The following LGSN variants were observed in gnomAD, a reference collection of about 807,000 sequenced individuals.
The protein encoded by LGSN is lengsin.
In LGSN, 21 loss-of-function variants were observed where a neutral mutation model predicts 19.5. The observed-to-expected ratio is 1.07, with a 90% CI of 0.76 to 1.55. The LOEUF (loss-of-function observed/expected upper bound fraction) is 1.55. Among genes scored for constraint, LGSN ranks in the 40% most tolerant of loss-of-function variants. LGSN has a pLI of 0.00. For missense variants in LGSN, 673 were observed against 608.5 expected, an observed-to-expected ratio of 1.11 and a Z score of -1.12; for synonymous variants, 257 against 215.6, an observed-to-expected ratio of 1.19 and a Z score of -1.68.
At position 63,285,607 on chromosome 6, in the gene LGSN, T is replaced by C. The variant is rs773744179; in HGVS notation, c.310A>G (p.Ile104Val). Residue 104 changes from isoleucine (I) to valine (V), a missense_variant, in exon 3 of 4, where the codon ATC becomes GTC. Coordinates refer to ENST00000370657, the MANE Select transcript of LGSN (RefSeq NM_016571.3). ...DLHGVSRSKTIPAHFFQEKVS... is the reference protein window; with the variant it reads ...DLHGVSRSKTVPAHFFQEKVS... ...CTCACTTGAAAAAAGTGTGCAGGGA[T>C]AGTCTTAGACCTGGACACGCCGTGG... 4.3e-6 allele frequency: 7 copies of C among 1,613,596 alleles called. No homozygotes were observed. In the African/African-American group the frequency reaches 8.0e-5, roughly 18 times the overall value.
At chr6:63,511,476 G>A in the LGSN span, among the ~76,000 whole-genome samples, 62 of 151,598 alleles carry the variant, frequency 4.1e-4, no homozygotes, top group African/African-American at 1.4e-3. Flanking sequence ...GGCTGGTCTT[G>A]AACTCCTGAC....
At chr6:63,534,093 T>A in the LGSN span, among the ~76,000 whole-genome samples, 1 of 152,164 alleles carries the variant, frequency 6.6e-6, no homozygotes, top group Non-Finnish European at 1.5e-5. Flanking sequence ...TCTGCCCACC[T>A]TGACCTATCA....
At chr6:63,570,541 C>T in the LGSN span, among the ~76,000 whole-genome samples, 1 of 152,214 alleles carries the variant, frequency 6.6e-6, no homozygotes, top group Admixed American at 6.5e-5. Flanking sequence ...GTGGTAATTA[C>T]AGGATCTGTG....
At chr6:63,518,412 A>G in the LGSN span, among the ~76,000 whole-genome samples, 1 of 152,202 alleles carries the variant, frequency 6.6e-6, no homozygotes, top group Non-Finnish European at 1.5e-5. Context: ...ATTAACTAAA[A>G]AATTATCATT....
chr6:63,327,005 C>T, the LGSN span, among the ~76,000 whole-genome samples: 1 of 152,248 alleles, frequency 6.6e-6, no homozygotes, highest in Non-Finnish European at 1.5e-5. Context: ...TGCCAGCACG[C>T]TGTCACCTCT....
chr6:63,368,484 G>C, the LGSN span, among the ~76,000 whole-genome samples: 1 of 152,096 alleles, frequency 6.6e-6, no homozygotes, highest in African/African-American at 2.4e-5. Flanking sequence ...CTCTCCTCTA[G>C]ACTCCTTCTC....
the LGSN span, among the ~76,000 whole-genome samples, chr6:63,363,194 A>G: frequency 6.6e-6 from 1 of 152,230 alleles, no homozygotes; most frequent in Non-Finnish European, 1.5e-5. Flanking sequence ...CCCCATCTGT[A>G]TGTCACCATC....
the LGSN span, chr6:63,572,748 G>T: frequency 2.5e-6 from 1 of 398,306 alleles, no homozygotes; most frequent in Non-Finnish European, 4.4e-6. Flanking sequence ...GTCGCCTCTC[G>T]GGCTGGGAAT....
chr6:63,519,231 T>C, the LGSN span, among the ~76,000 whole-genome samples: 2 of 151,500 alleles, frequency 1.3e-5, no homozygotes, highest in Non-Finnish European at 2.9e-5. Flanking sequence ...CACTGAAACC[T>C]GGGAGGCAGA....
the LGSN span, among the ~76,000 whole-genome samples, chr6:63,539,560 G>A: frequency 6.6e-6 from 1 of 152,148 alleles, no homozygotes; most frequent in South Asian, 2.1e-4. Flanking sequence ...GGCAGATCAC[G>A]AGGTCAGGAG....
intron 1 of LGSN, among the ~76,000 whole-genome samples, chr6:63,304,142 C>T (rs993920832): frequency 6.6e-6 from 1 of 152,142 alleles, no homozygotes; most frequent in African/African-American, 2.4e-5. Context: ...AGATGAAGGG[C>T]CAGTGTAGGC....
At chr6:63,351,226 G>A in the LGSN span, among the ~76,000 whole-genome samples, 1 of 152,112 alleles carries the variant, frequency 6.6e-6, no homozygotes, top group Non-Finnish European at 1.5e-5. Flanking sequence ...CCAGTGTCTT[G>A]TTCTGGGACT....
the LGSN span, among the ~76,000 whole-genome samples, chr6:63,547,558 T>G: frequency 3.0e-5 from 4 of 135,422 alleles, no homozygotes; most frequent in Non-Finnish European, 4.6e-5. Context: ...CAGGCTGGAG[T>G]GCAGTGGTAC....
the LGSN span, among the ~76,000 whole-genome samples, chr6:63,405,569 T>C: frequency 6.6e-6 from 1 of 152,196 alleles, no homozygotes; most frequent in Non-Finnish European, 1.5e-5. Context: ...ATGGTGAGCA[T>C]TTTTTCATGT....
chr6:63,313,224 G>T (rs1444042994), intron 1 of LGSN, among the ~76,000 whole-genome samples: 5 of 152,074 alleles, frequency 3.3e-5, no homozygotes, highest in African/African-American at 1.2e-4. Flanking sequence ...GGACCATGCT[G>T]CTGAAATGAT....
At chr6:63,562,115 T>G in the LGSN span, among the ~76,000 whole-genome samples, 10 of 151,830 alleles carry the variant, frequency 6.6e-5, no homozygotes, top group Admixed American at 6.5e-4. Context: ...CATTTTAGTT[T>G]ATTTCTTTCT....
chr6:63,567,387 A>G, the LGSN span, among the ~76,000 whole-genome samples: 2 of 152,242 alleles, frequency 1.3e-5, no homozygotes, highest in Non-Finnish European at 2.9e-5. Flanking sequence ...AGAAGGCATG[A>G]AAACAATATT....
chr6:63,473,007 C>T, the LGSN span, among the ~76,000 whole-genome samples: 1 of 151,650 alleles, frequency 6.6e-6, no homozygotes, highest in Non-Finnish European at 1.5e-5. Context: ...TTCAAGGCCA[C>T]ATTTTAAAAG....
chr6:63,276,706 TC>T lies in LGSN; in HGVS notation c.*3314del, dbSNP rs1362080230. The T allele has an allele frequency of 6.6e-6, 1 of 152,138 alleles. No individual in the cohort carries two copies. The highest frequency in any genetic ancestry group is 1.9e-4 in the East Asian group (1 of 5,204). The allele number at this position is 152,138 out of a possible 1,614,324, so 9.4% of individuals were successfully genotyped here. On this transcript the variant is annotated 3_prime_UTR_variant, in exon 4 of 4. Coordinates refer to ENST00000370657, the MANE Select transcript of LGSN (RefSeq NM_016571.3). ...TTGTCTGCTCATCTTTGTTTTGGTCTCCCCTAGTATGATGGCTCCCAGCTGA... is the reference window on the plus strand; with the variant it reads ...TTGTCTGCTCATCTTTGTTTTGGTCTCCCTAGTATGATGGCTCCCAGCTGA...
Sources: allele counts gnomAD v4.1 joint callset (sites outside exome capture counted in the v4.1 genomes callset), GRCh38; gene constraint gnomAD v4.1.1; transcripts MANE v1.5; gene names NCBI Gene and HGNC (gene_info 2026-07-23, HGNC 2026-07-21).